Variants in ANKRD30B observed in about 807,000 individuals in gnomAD.
ANKRD30B encodes the protein ankyrin repeat domain 30B, also known as ankyrin repeat domain-containing protein 30B.
Under a neutral mutation model 202.2 loss-of-function variants are expected in ANKRD30B, and 144 were observed. The observed-to-expected ratio is 0.71, with a 90% CI of 0.62 to 0.82. ANKRD30B has a LOEUF of 0.82. Among genes scored for constraint, ANKRD30B ranks in the 40% least tolerant of loss-of-function variants. ANKRD30B has a pLI of 0.00. For synonymous variants in ANKRD30B, 508 were observed against 561.3 expected, an observed-to-expected ratio of 0.91 and a Z score of 1.34; for missense variants, 1,487 against 1,669.1, an observed-to-expected ratio of 0.89 and a Z score of 1.90.
At chr18:14,788,019 T>A (rs889161180) in intron 15 of ANKRD30B, among the ~76,000 whole-genome samples, 1 of 152,222 alleles carries the variant, frequency 6.6e-6, no homozygotes, top group Non-Finnish European at 1.5e-5. Context: ...TTGCTTATTT[T>A]AAGCCCCTGT....
intron 9 of ANKRD30B, among the ~76,000 whole-genome samples, chr18:14,774,656 A>G (rs759091213): frequency 1.2e-4 from 18 of 152,220 alleles, no homozygotes; most frequent in Non-Finnish European, 2.4e-4. Context: ...ATAAGGTACT[A>G]TTAAAAACTA....
At chr18:14,754,288 CT>C (rs1913976552) in intron 3 of ANKRD30B, among the ~76,000 whole-genome samples, 3 of 152,236 alleles carry the variant, frequency 2.0e-5, no homozygotes, top group Non-Finnish European at 4.4e-5. Context: ...TCTTGGGAAG[CT>C]TTCAAAACTG....
chr18:14,809,959 CA>C (rs1398460672), intron 26 of ANKRD30B, 26 bp from the exon 27 acceptor site: 1 of 1,401,104 alleles, frequency 7.1e-7, no homozygotes, highest in African/African-American at 1.4e-5. Flanking sequence ...TGCATATAAT[CA>C]ATTATATATG....
chr18:14,837,035 C>T, intron 34 of ANKRD30B, 176 bp from the exon 35 acceptor site: 1 of 493,678 alleles, frequency 2.0e-6, no homozygotes, highest in Non-Finnish European at 3.7e-6. Flanking sequence ...AATCTATCTT[C>T]CATGTATATT....
chr18:14,917,663 C>A, the ANKRD30B span, among the ~76,000 whole-genome samples: 8 of 152,322 alleles, frequency 5.3e-5, no homozygotes, highest in East Asian at 7.7e-4. Context: ...TGCTGTACAC[C>A]CTGAACAGCA....
intron 15 of ANKRD30B, among the ~76,000 whole-genome samples, chr18:14,789,871 C>T (rs920831979): frequency 4.5e-4 from 68 of 152,120 alleles, no homozygotes; most frequent in African/African-American, 1.5e-3. Flanking sequence ...CTTGGAGATG[C>T]AGGCTCTTTT....
At chr18:14,790,842 T>A (rs961351742) in intron 15 of ANKRD30B, among the ~76,000 whole-genome samples, 2 of 152,094 alleles carry the variant, frequency 1.3e-5, no homozygotes, top group Admixed American at 1.3e-4. Flanking sequence ...GATATTGGTC[T>A]AAAATTCTCT....
At chr18:14,875,141 A>G in the ANKRD30B span, among the ~76,000 whole-genome samples, 7 of 152,182 alleles carry the variant, frequency 4.6e-5, no homozygotes, top group African/African-American at 7.2e-5. Flanking sequence ...AACCTCCATG[A>G]GGAAGGCTCA....
the ANKRD30B span, among the ~76,000 whole-genome samples, chr18:14,868,702 C>T: frequency 6.6e-6 from 1 of 152,254 alleles, no homozygotes; most frequent in African/African-American, 2.4e-5. Context: ...AGGCATCCTC[C>T]TGGACCAGTT....
chr18:14,835,512 T>G (rs1478471182), intron 34 of ANKRD30B, among the ~76,000 whole-genome samples: 1 of 151,696 alleles, frequency 6.6e-6, no homozygotes, highest in Non-Finnish European at 1.5e-5. Context: ...ATATATTTGT[T>G]TATTTCTAAA....
the ANKRD30B span, among the ~76,000 whole-genome samples, chr18:14,874,790 G>A: frequency 6.6e-6 from 1 of 152,188 alleles, no homozygotes; most frequent in African/African-American, 2.4e-5. Context: ...TGTACAAGGA[G>A]GGGAGTGACT....
the ANKRD30B span, among the ~76,000 whole-genome samples, chr18:14,923,739 G>T: frequency 6.6e-6 from 1 of 152,206 alleles, no homozygotes; most frequent in African/African-American, 2.4e-5. Context: ...TGGTGGTCTT[G>T]GATAAGATCT....
chr18:14,885,394 T>C, the ANKRD30B span, among the ~76,000 whole-genome samples: 3 of 152,042 alleles, frequency 2.0e-5, no homozygotes, highest in Non-Finnish European at 4.4e-5. Context: ...TGGTGTTTAA[T>C]TGCAGTCATT....
intron 41 of ANKRD30B, among the ~76,000 whole-genome samples, chr18:14,851,171 T>A (rs1258197062): frequency 6.6e-6 from 1 of 151,862 alleles, no homozygotes; most frequent in African/African-American, 2.4e-5. Flanking sequence ...AAACCCAATT[T>A]TTGTATGTAG....
intron 9 of ANKRD30B, among the ~76,000 whole-genome samples, chr18:14,772,474 C>T (rs780682332): frequency 6.6e-6 from 1 of 151,344 alleles, no homozygotes; most frequent in Admixed American, 6.6e-5. Context: ...CTGGAGAATA[C>T]ATAGTGACAG....
chr18:14,831,181 G>GGAAAA (rs1267118242), intron 33 of ANKRD30B, among the ~76,000 whole-genome samples: 5 of 52,352 alleles, frequency 9.6e-5, no homozygotes, highest in African/African-American at 3.0e-4. Flanking sequence ...CTCCGTCTCG[G>GGAAAA]AAAAAAAAAA....
chr18:14,915,319 T>C, the ANKRD30B span, among the ~76,000 whole-genome samples: 1 of 152,210 alleles, frequency 6.6e-6, no homozygotes, highest in South Asian at 2.1e-4. Flanking sequence ...AAAAAGACAC[T>C]GCACCTCTCT....
At chr18:14,770,952 T>C (rs1420512318) in intron 8 of ANKRD30B, among the ~76,000 whole-genome samples, 1 of 152,284 alleles carries the variant, frequency 6.6e-6, no homozygotes, top group South Asian at 2.1e-4. Context: ...CTGAGTCACA[T>C]AGATCTGTGG....
chr18:14,851,045 G>C (rs1022435728), intron 41 of ANKRD30B, among the ~76,000 whole-genome samples: 3 of 151,760 alleles, frequency 2.0e-5, no homozygotes, highest in African/African-American at 7.3e-5. Flanking sequence ...AGAATATCTA[G>C]AGAATATTCT....
Sources: allele counts gnomAD v4.1 joint callset (sites outside exome capture counted in the v4.1 genomes callset), GRCh38; gene constraint gnomAD v4.1.1; transcripts MANE v1.5; gene names NCBI Gene and HGNC (gene_info 2026-07-23, HGNC 2026-07-21).